Variants in FAM13A observed in about 807,000 individuals in gnomAD.
The protein encoded by FAM13A is protein FAM13A.
A neutral mutation model predicts 129.6 loss-of-function variants in FAM13A; 76 were observed. That is an observed-to-expected ratio of 0.59 (90% confidence interval 0.49 to 0.71). FAM13A has a LOEUF of 0.71. FAM13A is among the 30% of genes least tolerant of loss of function. The probability of loss-of-function intolerance (pLI) is 0.00; values close to 1 mark genes in which losing one functional copy is unlikely to be tolerated. For synonymous variants in FAM13A, 443 were observed against 449.9 expected (o/e 0.98, Z 0.20); for missense variants, 1,108 against 1,249.3 (o/e 0.89, Z 1.70).
At chr4:89,039,523 A>C (rs1769824883) in intron 1 of FAM13A, among the ~76,000 whole-genome samples, 1 of 152,222 alleles carries the variant, frequency 6.6e-6, no homozygotes, top group Non-Finnish European at 1.5e-5. Flanking sequence ...GTAAGGACAA[A>C]GAATTATGTG....
chr4:89,025,676 G>A (rs1035621623), intron 2 of FAM13A, among the ~76,000 whole-genome samples: 1 of 152,042 alleles, frequency 6.6e-6, no homozygotes, highest in South Asian at 2.1e-4. Flanking sequence ...CAGAGGAAAA[G>A]AAAATAATTA....
At chr4:88,728,863 T>C in intron 23 of FAM13A, 1 of 514,948 alleles carries the variant, frequency 1.9e-6, no homozygotes, top group Non-Finnish European at 3.5e-6. Context: ...AACATGCAAC[T>C]GAGTTTTTAT....
At chr4:88,757,410 G>A (rs1743895748) in intron 14 of FAM13A, among the ~76,000 whole-genome samples, 1 of 151,954 alleles carries the variant, frequency 6.6e-6, no homozygotes, top group Non-Finnish European at 1.5e-5. Flanking sequence ...TCTTTTATTT[G>A]GGTAACAGTG....
At chr4:88,780,844 A>C (rs1481055366) in intron 11 of FAM13A, among the ~76,000 whole-genome samples, 1 of 152,112 alleles carries the variant, frequency 6.6e-6, no homozygotes, top group Non-Finnish European at 1.5e-5. Flanking sequence ...AACAAATAGA[A>C]TGGGGAAAAA....
chr4:88,914,711 C>T (rs1463836568), intron 5 of FAM13A, among the ~76,000 whole-genome samples: 1 of 152,222 alleles, frequency 6.6e-6, no homozygotes. Flanking sequence ...TATTGATTAT[C>T]TACCACTCCA....
intron 1 of FAM13A, among the ~76,000 whole-genome samples, chr4:89,053,521 C>T (rs1218048299): frequency 2.6e-5 from 4 of 152,064 alleles, no homozygotes; most frequent in Non-Finnish European, 4.4e-5. Context: ...CGCGACTGTA[C>T]GTTCCTGCTT....
intron 6 of FAM13A, among the ~76,000 whole-genome samples, chr4:88,880,691 C>T (rs1743372012): frequency 6.7e-6 from 1 of 148,976 alleles, no homozygotes; most frequent in Non-Finnish European, 1.5e-5. Context: ...CTTTCTCAGC[C>T]GGGAGGCTGG....
At chr4:89,031,385 C>T (rs544679846) in intron 1 of FAM13A, among the ~76,000 whole-genome samples, 200 of 152,248 alleles carry the variant, frequency 1.3e-3, no homozygotes, top group Middle Eastern at 3.4e-3. Flanking sequence ...AGAGCATAGA[C>T]TATGGAACAA....
chr4:89,000,334 T>A, intron 3 of FAM13A, among the ~76,000 whole-genome samples: 1 of 152,178 alleles, frequency 6.6e-6, no homozygotes, highest in East Asian at 1.9e-4. Flanking sequence ...CTATAGAATA[T>A]TAACCAGCCA....
chr4:89,039,864 G>C (rs2149155338), intron 1 of FAM13A, among the ~76,000 whole-genome samples: 1 of 151,928 alleles, frequency 6.6e-6, no homozygotes, highest in South Asian at 2.1e-4. Flanking sequence ...GTGGCAGAAA[G>C]ATCACTTGAG....
In FAM13A at chr4:88,744,640, T is replaced by C. The variant is rs116321979; in HGVS notation, c.2466+2292A>G. On this transcript the variant is annotated intron_variant, in intron 19 of 23. Transcript: ENST00000264344. ...ACAATAGTTTAACTCTAGAAGTACA[T>C]GTATTTTTCTTCTAAGAAGAGTGTT... Among the ~76,000 whole-genome samples, 278 of 152,310 alleles carry C rather than the reference T, an allele frequency of 1.8e-3. 1 individual carries two copies. The highest frequency in any genetic ancestry group is 5.8e-3 in the African/African-American group (240 of 41,584).
Position 89,029,460 on chromosome 4 carries a change from C to T in FAM13A, c.217G>A (p.Gly73Arg), listed in dbSNP as rs999197893. Reference sequence around the variant, plus strand: ...CAGACTAAAGCATGACTTAACTCACCATGCTGCGTCAAATATTCCACTATA... The same window carrying T: ...CAGACTAAAGCATGACTTAACTCACTATGCTGCGTCAAATATTCCACTATA... ...WNIVEYLTQH[G>R]LTQEGLFRVN... The change falls in exon 2 of 24, where the codon GGA becomes AGA. Residue 73 changes from glycine to arginine, a missense_variant and splice_region_variant. Coordinates refer to ENST00000264344, the MANE Select transcript of FAM13A (RefSeq NM_014883.4). 3.1e-6 allele frequency: 5 copies of T among 1,594,760 alleles called. No homozygotes were observed. The African/African-American group carries it at 5.4e-5, about 17-fold the overall frequency.
intron 6 of FAM13A, among the ~76,000 whole-genome samples, chr4:88,877,701 A>C (rs904451367): frequency 6.6e-6 from 1 of 152,174 alleles, no homozygotes; most frequent in African/African-American, 2.4e-5. Context: ...CACATCTATA[A>C]TGAAGAAAAG....
At chr4:88,871,618 C>G (rs1257655131) in intron 6 of FAM13A, among the ~76,000 whole-genome samples, 1 of 152,162 alleles carries the variant, frequency 6.6e-6, no homozygotes, top group Non-Finnish European at 1.5e-5. Flanking sequence ...AAGAAACAAA[C>G]AAAGCATCCA....
intron 5 of FAM13A, among the ~76,000 whole-genome samples, chr4:88,911,153 T>A (rs142370848): frequency 6.6e-6 from 1 of 152,154 alleles, no homozygotes; most frequent in Non-Finnish European, 1.5e-5. Flanking sequence ...CCTTCTTAAT[T>A]CCCTTCTTAA....
intron 5 of FAM13A, chr4:88,937,003 G>A (rs1753959308): frequency 3.9e-5 from 6 of 152,036 alleles, no homozygotes; most frequent in Admixed American, 3.9e-4. Context: ...CTTTTCTGAG[G>A]CAAAACTGAA....
chr4:88,737,578 G>C (rs756905221), intron 20 of FAM13A, 23 bp from the exon 21 acceptor site: 1 of 1,601,916 alleles, frequency 6.2e-7, no homozygotes, highest in Non-Finnish European at 8.6e-7. Flanking sequence ...TTAACAAGTA[G>C]GTTACATTCC....
At chr4:88,758,533 G>C (rs1384226731) in intron 14 of FAM13A, among the ~76,000 whole-genome samples, 2 of 152,098 alleles carry the variant, frequency 1.3e-5, no homozygotes, top group South Asian at 4.2e-4. Flanking sequence ...CTATGATAAA[G>C]GGCAAGCATG....
At chr4:88,842,526 A>G (rs1019288349) in intron 7 of FAM13A, among the ~76,000 whole-genome samples, 2 of 152,232 alleles carry the variant, frequency 1.3e-5, no homozygotes, top group Non-Finnish European at 2.9e-5. Flanking sequence ...TTAATCACAA[A>G]TAAGTTTGTC....
Sources: gnomAD v4.1 joint callset for allele counts (sites outside exome capture counted in the v4.1 genomes callset) on GRCh38, gnomAD v4.1.1 for gene constraint, MANE v1.5 for transcripts, NCBI Gene and HGNC (gene_info 2026-07-23, HGNC 2026-07-21) for gene names.